The following CADPS variants were observed in gnomAD, a reference collection of about 807,000 sequenced individuals.
CADPS encodes calcium-dependent secretion activator 1.
CADPS carries 57 observed loss-of-function variants against 167.3 expected under a neutral mutation model. The observed-to-expected ratio is 0.34, with a 90% CI of 0.28 to 0.42. CADPS has a LOEUF of 0.42. Ranked by LOEUF, CADPS falls within the 20% of genes least tolerant of loss-of-function variation. The pLI is 1.00. For missense variants in CADPS, 1,414 were observed against 1,738.1 expected (o/e 0.81, Z 3.32); for synonymous variants, 676 against 635.3 (o/e 1.06, Z -0.96).
intron 21 of CADPS, among the ~76,000 whole-genome samples, chr3:62,485,942 C>G (rs143741019): frequency 6.6e-6 from 1 of 152,276 alleles, no homozygotes; most frequent in African/African-American, 2.4e-5. Flanking sequence ...GGCCCAAGGT[C>G]ACCCAGCAAA....
intron 6 of CADPS, among the ~76,000 whole-genome samples, chr3:62,595,464 T>C (rs181541796): frequency 6.6e-6 from 1 of 152,172 alleles, no homozygotes; most frequent in East Asian, 1.9e-4. Context: ...AAGGAATTAA[T>C]GTCCCTGTCA....
chr3:62,736,871 G>C (rs575420432), intron 3 of CADPS, among the ~76,000 whole-genome samples: 1 of 152,316 alleles, frequency 6.6e-6, no homozygotes, highest in African/African-American at 2.4e-5. Flanking sequence ...GGGCACAGTG[G>C]CTCACGCCTG....
intron 28 of CADPS, among the ~76,000 whole-genome samples, chr3:62,430,522 A>T (rs901923925): frequency 1.3e-5 from 2 of 152,106 alleles, no homozygotes; most frequent in Non-Finnish European, 2.9e-5. Context: ...ATGAAAACGA[A>T]CTTGGATTGT....
At chr3:62,596,057 C>T (rs1214269909) in intron 6 of CADPS, among the ~76,000 whole-genome samples, 1 of 148,870 alleles carries the variant, frequency 6.7e-6, no homozygotes, top group Non-Finnish European at 1.5e-5. Flanking sequence ...TAAGTTAATA[C>T]TTAATTAACT....
intron 14 of CADPS, 55 bp downstream of exon 14, chr3:62,518,094 T>A (rs2069446027): frequency 8.1e-7 from 1 of 1,236,806 alleles, no homozygotes; most frequent in African/African-American, 1.5e-5. Flanking sequence ...AGTCCTTTAG[T>A]TTTCCCTTCC....
At chr3:62,427,019 G>A (rs2052871902) in intron 28 of CADPS, among the ~76,000 whole-genome samples, 1 of 150,258 alleles carries the variant, frequency 6.7e-6, no homozygotes, top group Non-Finnish European at 1.5e-5. Flanking sequence ...AGCTTGTGGT[G>A]AGCAGAGATT....
intron 17 of CADPS, chr3:62,500,384 T>C (rs1285819767): frequency 6.6e-6 from 1 of 152,114 alleles, no homozygotes; most frequent in Non-Finnish European, 1.5e-5. Flanking sequence ...TCAAACTCCT[T>C]ACCTCAGGAG....
rs2054477932 is a variant in CADPS at position 62,433,963 on chromosome 3, T to C, written c.3777+4141A>G. Among the ~76,000 whole-genome samples, 1 of 152,208 alleles carries C rather than the reference T, an allele frequency of 6.6e-6. No homozygotes were observed. Among genetic ancestry groups the C allele is most frequent in the Non-Finnish European group, 1.5e-5 (1 of 68,024 alleles). The stretch of plus-strand genomic sequence containing the variant: ...AAATCACTGTCTTCAAGTTATTTCT[T>C]GAGCTTGTGCTTTCCTCTGTAGCTG... On this transcript the variant is annotated intron_variant, in intron 28 of 29. Coordinates refer to ENST00000383710, the MANE Select transcript of CADPS (RefSeq NM_003716.4). The surrounding 1 kb of genome is among the most constrained non-coding windows in gnomAD (Gnocchi z 4.7).
At chr3:62,873,254 C>A (rs1476705784) in intron 1 of CADPS, among the ~76,000 whole-genome samples, 1 of 152,228 alleles carries the variant, frequency 6.6e-6, no homozygotes, top group East Asian at 1.9e-4. Context: ...ACAGAGAAAT[C>A]TGTGCTAACT....
chr3:62,437,428 G>C (rs2055349389), intron 28 of CADPS, among the ~76,000 whole-genome samples: 1 of 144,510 alleles, frequency 6.9e-6, no homozygotes, highest in Non-Finnish European at 1.5e-5. Flanking sequence ...GCTCAAAAAT[G>C]ATTAACCCTT....
chr3:62,736,792 C>G lies in CADPS; in HGVS notation c.888+16649G>C, dbSNP rs150434494. 1.2e-3 allele frequency among the ~76,000 whole-genome samples: 179 copies of G among 152,264 alleles called. 3 individuals are homozygous for G. Among genetic ancestry groups the G allele is most frequent in the Middle Eastern group, 3.4e-3 (1 of 294 alleles). On this transcript the variant is annotated intron_variant, in intron 3 of 29. Transcript: ENST00000383710. ...GCATACATGTACAACTTGCAGAAAT[C>G]CAGATACCATGGCGAACAATTCTAT...
intron 6 of CADPS, among the ~76,000 whole-genome samples, chr3:62,594,286 C>G (rs1230163734): frequency 6.7e-6 from 1 of 150,130 alleles, no homozygotes; most frequent in African/African-American, 2.4e-5. Context: ...CTCAGCCTCC[C>G]AAGTAGCTGG....
intron 7 of CADPS, among the ~76,000 whole-genome samples, chr3:62,588,270 T>C (rs975055851): frequency 6.6e-6 from 1 of 151,570 alleles, no homozygotes; most frequent in East Asian, 2.0e-4. Context: ...TCTGCCTTCT[T>C]GCTAGGTGCT....
intron 2 of CADPS, among the ~76,000 whole-genome samples, chr3:62,759,987 G>A (rs1361418953): frequency 6.6e-6 from 1 of 152,146 alleles, no homozygotes; most frequent in Non-Finnish European, 1.5e-5. Flanking sequence ...AGTTTCAGAA[G>A]CAGATCTTGG....
intron 8 of CADPS, among the ~76,000 whole-genome samples, chr3:62,582,235 C>T (rs1196217759): frequency 6.6e-6 from 1 of 152,162 alleles, no homozygotes; most frequent in African/African-American, 2.4e-5. Context: ...TGCTTGAGTC[C>T]AGGAGTTTGA....
chr3:62,757,565 A>T (rs1298044589), intron 2 of CADPS, among the ~76,000 whole-genome samples: 5 of 152,132 alleles, frequency 3.3e-5, no homozygotes, highest in Non-Finnish European at 7.3e-5. Context: ...TCAACGGGAA[A>T]CCAGCACACG....
chr3:62,664,022 C>T (rs1199325114), intron 3 of CADPS, among the ~76,000 whole-genome samples: 3 of 151,988 alleles, frequency 2.0e-5, no homozygotes, highest in South Asian at 4.2e-4. Context: ...ATTTTTTTTC[C>T]CCCGAGATGA....
At chr3:62,825,173 AAGTC>A (rs1367272750) in intron 1 of CADPS, among the ~76,000 whole-genome samples, 3 of 152,138 alleles carry the variant, frequency 2.0e-5, no homozygotes, top group Admixed American at 2.0e-4. Context: ...AGTTTCTAGA[AAGTC>A]AGAGAACTCA....
At chr3:62,677,318 C>CA (rs1000862952) in intron 3 of CADPS, among the ~76,000 whole-genome samples, 1 of 151,952 alleles carries the variant, frequency 6.6e-6, no homozygotes, top group South Asian at 2.1e-4. Context: ...GCAAAAAAAC[C>CA]AAAAAACCAG....
Sources: allele counts gnomAD v4.1 joint callset (sites outside exome capture counted in the v4.1 genomes callset), GRCh38; gene constraint gnomAD v4.1.1; non-coding constraint Gnocchi (gnomAD v3.1); transcripts MANE v1.5; gene names NCBI Gene and HGNC (gene_info 2026-07-23, HGNC 2026-07-21).